Variants in HECW1 observed in about 807,000 individuals in gnomAD.
HECW1 encodes the protein HECT, C2 and WW domain containing E3 ubiquitin protein ligase 1, also known as E3 ubiquitin-protein ligase HECW1.
Under a neutral mutation model 182.3 loss-of-function variants are expected in HECW1, and 61 were observed. The ratio of observed to expected loss-of-function variants is 0.33; its 90% CI spans 0.27 to 0.41. HECW1 has a LOEUF of 0.41. Ranked by LOEUF, HECW1 falls within the 10% of genes least tolerant of loss-of-function variation. The probability of loss-of-function intolerance (pLI) is 1.00; values close to 1 mark genes in which losing one functional copy is unlikely to be tolerated. For synonymous variants in HECW1, 859 were observed against 832.6 expected (o/e 1.03, Z -0.55); for missense variants, 1,739 against 2,108.9 (o/e 0.82, Z 3.44).
Position 43,381,104 on chromosome 7 carries a change from A to G in HECW1, c.556-15710A>G, listed in dbSNP as rs1231690289. On this transcript the variant is annotated intron_variant, in intron 6 of 29. Coordinates refer to ENST00000395891, the MANE Select transcript of HECW1 (RefSeq NM_015052.5). ...TGATTAATGAAGTGAACATTTTTTC[A>G]TGTTAGGGACCCCAGGTTTATTGGC... Among the ~76,000 whole-genome samples the G allele has an allele frequency of 3.3e-5, 5 of 152,170 alleles. No individual in the cohort carries two copies. In the East Asian group the frequency reaches 7.7e-4, roughly 23 times the overall value.
chr7:43,244,587 G>A (rs1229565861), intron 3 of HECW1, among the ~76,000 whole-genome samples: 3 of 152,192 alleles, frequency 2.0e-5, no homozygotes, highest in East Asian at 3.9e-4. Context: ...TCTCCTGAGA[G>A]GTAGGTATGA....
chr7:43,491,224 G>T (rs886234905), intron 17 of HECW1, among the ~76,000 whole-genome samples: 1 of 152,132 alleles, frequency 6.6e-6, no homozygotes, highest in African/African-American at 2.4e-5. Flanking sequence ...TTAGAATCCT[G>T]GTTATCCCCC....
intron 13 of HECW1, among the ~76,000 whole-genome samples, chr7:43,456,668 C>A (rs192687926): frequency 6.6e-6 from 1 of 152,132 alleles, no homozygotes; most frequent in South Asian, 2.1e-4. Flanking sequence ...GATGGGAAAT[C>A]GTCTAAACTT....
At chr7:43,283,813 A>G (rs377368666) in intron 3 of HECW1, among the ~76,000 whole-genome samples, 95 of 152,216 alleles carry the variant, frequency 6.2e-4, no homozygotes, top group African/African-American at 2.1e-3. Flanking sequence ...ATGCTTTTTT[A>G]ATGCAGCAAT....
intron 12 of HECW1, among the ~76,000 whole-genome samples, chr7:43,451,259 T>G (rs942065926): frequency 6.6e-6 from 1 of 152,222 alleles, no homozygotes; most frequent in African/African-American, 2.4e-5. Context: ...TTTTACATTT[T>G]ATATTTAAAA....
At chr7:43,218,788 C>T (rs578191590) in intron 2 of HECW1, among the ~76,000 whole-genome samples, 48 of 152,198 alleles carry the variant, frequency 3.2e-4, no homozygotes, top group African/African-American at 1.1e-3. Context: ...AGTGATACAA[C>T]GAGTGGAGGA....
At chr7:43,278,928 G>A (rs1332299019) in intron 3 of HECW1, among the ~76,000 whole-genome samples, 1 of 152,124 alleles carries the variant, frequency 6.6e-6, no homozygotes, top group African/African-American at 2.4e-5. Flanking sequence ...TCCCCATTAG[G>A]ATTCAAGCTC....
At chr7:43,378,193 T>G (rs1213366205) in intron 6 of HECW1, among the ~76,000 whole-genome samples, 1 of 152,270 alleles carries the variant, frequency 6.6e-6, no homozygotes, top group Admixed American at 6.5e-5. Flanking sequence ...TATTCTAATC[T>G]AATCATCTTC....
chr7:43,273,175 G>A (rs1802631113), intron 3 of HECW1, among the ~76,000 whole-genome samples: 1 of 152,132 alleles, frequency 6.6e-6, no homozygotes, highest in African/African-American at 2.4e-5. Context: ...ACTAGAAGGG[G>A]GATGGAGGGA....
chr7:43,198,257 CCACTCACACACACCCCA>C (rs748344770), intron 2 of HECW1, among the ~76,000 whole-genome samples: 62 of 149,582 alleles, frequency 4.1e-4, no homozygotes, highest in Middle Eastern at 3.4e-3. Context: ...TCTCACACAC[CCACTCACACACACCCCA>C]CACTCACACA....
In HECW1 at chr7:43,562,523, C is replaced by A. The variant is rs565215032; in HGVS notation, c.*597C>A. On this transcript the variant is annotated 3_prime_UTR_variant, in exon 30 of 30. Transcript: ENST00000395891. ...GATTCACATGTGGCATCAGTCCCAT[C>A]AGCCGGAACTAGCCTAGACATACGG... 81 of 228,160 alleles carry A rather than the reference C, an allele frequency of 3.6e-4. 2 individuals are homozygous for A. The South Asian group carries it at 0.014, about 40-fold the overall frequency. The allele number at this position is 228,160 out of a possible 1,614,324, so 14.1% of individuals were successfully genotyped here.
chr7:43,176,260 T>C (rs967982235), intron 2 of HECW1, among the ~76,000 whole-genome samples: 5 of 152,194 alleles, frequency 3.3e-5, no homozygotes, highest in African/African-American at 1.2e-4. Context: ...TGCTCTGCCA[T>C]ATTTTTTTCA....
intron 7 of HECW1, among the ~76,000 whole-genome samples, chr7:43,398,436 CT>C (rs2075301838): frequency 6.6e-6 from 1 of 152,112 alleles, no homozygotes; most frequent in African/African-American, 2.4e-5. Context: ...AAACTACTAC[CT>C]TAGCTTGTCA....
chr7:43,238,825 G>A (rs1798615315), intron 2 of HECW1, among the ~76,000 whole-genome samples: 1 of 152,118 alleles, frequency 6.6e-6, no homozygotes, highest in African/African-American at 2.4e-5. Context: ...TTCTGTCATA[G>A]AGGAGGGGCC....
intron 6 of HECW1, among the ~76,000 whole-genome samples, chr7:43,392,568 G>C (rs890930265): frequency 6.6e-6 from 1 of 152,202 alleles, no homozygotes; most frequent in African/African-American, 2.4e-5. Context: ...GATGTTCCCA[G>C]GCAGGCACCC....
intron 3 of HECW1, among the ~76,000 whole-genome samples, chr7:43,266,613 C>T (rs1198297538): frequency 5.3e-5 from 8 of 152,186 alleles, no homozygotes; most frequent in African/African-American, 1.7e-4. Context: ...GGATTACAGG[C>T]GTGAGCCACC....
At chr7:43,344,515 CTT>C (rs1231727764) in intron 5 of HECW1, among the ~76,000 whole-genome samples, 1 of 145,338 alleles carries the variant, frequency 6.9e-6, no homozygotes. Context: ...TTGTTTTTGT[CTT>C]TTTTTTTTTC....
chr7:43,554,643 G>C lies in HECW1; in HGVS notation c.4562G>C (p.Arg1521Pro). The C allele has an allele frequency of 1.2e-6, 2 of 1,613,800 alleles. No homozygotes were observed. The highest frequency in any genetic ancestry group is 1.7e-6 in the Non-Finnish European group (2 of 1,179,886). The change falls in exon 29 of 30, where the codon CGC becomes CCC. Residue 1521 changes from arginine (R) to proline (P), a missense_variant. Coordinates refer to ENST00000395891, the MANE Select transcript of HECW1 (RefSeq NM_015052.5). Reference sequence around the variant, plus strand: ...CGCTGGTTCTGGGCTGCGGTGGAGCGCTTCAATAATGAGCAGAGGCTGAGA... The same window carrying C: ...CGCTGGTTCTGGGCTGCGGTGGAGCCCTTCAATAATGAGCAGAGGCTGAGA... Reference protein sequence around the residue: ...VIRWFWAAVERFNNEQRLRLL... With the variant: ...VIRWFWAAVEPFNNEQRLRLL...
At chr7:43,370,739 G>A (rs1029495676) in intron 6 of HECW1, among the ~76,000 whole-genome samples, 4 of 152,116 alleles carry the variant, frequency 2.6e-5, no homozygotes, top group Non-Finnish European at 5.9e-5. Context: ...CTAAGTGAAA[G>A]AAGCCAATCT....
Sources: gnomAD v4.1 joint callset for allele counts (sites outside exome capture counted in the v4.1 genomes callset) on GRCh38, gnomAD v4.1.1 for gene constraint, MANE v1.5 for transcripts, NCBI Gene and HGNC (gene_info 2026-07-23, HGNC 2026-07-21) for gene names.